CHN2: variants seen among roughly 807,000 people sequenced by gnomAD.
CHN2 encodes beta-chimaerin.
In CHN2, 35 loss-of-function variants were observed where a neutral mutation model predicts 56.3. The observed-to-expected ratio is 0.62, with a 90% CI of 0.47 to 0.82. CHN2 has a LOEUF of 0.82. CHN2 is among the 40% of genes least tolerant of loss of function. CHN2 has a pLI of 0.00. For synonymous variants in CHN2, 210 were observed against 212.8 expected (o/e 0.99, Z 0.12); for missense variants, 491 against 580.5 (o/e 0.85, Z 1.58).
At chr7:29,334,473 T>G (rs994928721) in intron 1 of CHN2, 5 of 151,778 alleles carry the variant, frequency 3.3e-5, no homozygotes, top group Non-Finnish European at 5.9e-5. Flanking sequence ...AATTCTGTGG[T>G]TTTAGAAGTT....
chr7:29,193,488 T>A (rs2128757599), upstream of CHN2: 1 of 152,346 alleles, frequency 6.6e-6, no homozygotes. Flanking sequence ...TGCTATATAA[T>A]GAGAGTACTT....
intron 6 of CHN2, among the ~76,000 whole-genome samples, chr7:29,403,432 C>A (rs1472201223): frequency 6.6e-6 from 1 of 152,120 alleles, no homozygotes; most frequent in African/African-American, 2.4e-5. Flanking sequence ...ACCAGCATTT[C>A]CGTTTCCAGG....
In CHN2 at chr7:29,483,961, G is replaced by A. The variant is rs1282357419; in HGVS notation, c.654+3605G>A. On this transcript the variant is annotated intron_variant, in intron 7 of 12. Transcript: ENST00000222792. The stretch of plus-strand genomic sequence containing the variant: ...AGAATACATGCGAGTCACTTATCGT[G>A]GTCTCTGGCACCCAGTAAGTATTCA... 5.0e-6 allele frequency: 5 copies of A among 1,006,634 alleles called. No homozygotes were observed. The South Asian group carries it at 6.7e-5, about 13-fold the overall frequency. 62.4% of individuals were successfully genotyped at this position (1,006,634 alleles called of 1,614,324 possible). A position where few individuals can be genotyped will look rare whatever the true frequency, so the allele number is the denominator to read the frequency against.
At chr7:29,194,750 T>G (rs993380333), upstream of CHN2, 4 of 452,624 alleles carry the variant, frequency 8.8e-6, no homozygotes, top group African/African-American at 8.3e-5. Context: ...CACAAATAAA[T>G]AGCGGCGGCG....
At chr7:29,414,726 T>C (rs1803559445) in intron 6 of CHN2, among the ~76,000 whole-genome samples, 1 of 152,090 alleles carries the variant, frequency 6.6e-6, no homozygotes, top group South Asian at 2.1e-4. Context: ...CCTAGCTGTG[T>C]CCAAGAGGCC....
intron 1 of CHN2, among the ~76,000 whole-genome samples, chr7:29,211,277 A>G (rs922095066): frequency 6.7e-6 from 1 of 150,256 alleles, no homozygotes; most frequent in Non-Finnish European, 1.5e-5. Flanking sequence ...ATGGGGTTTC[A>G]CCATGTTAGC....
chr7:29,361,158 C>T (rs1280381236), intron 2 of CHN2, among the ~76,000 whole-genome samples: 1 of 152,190 alleles, frequency 6.6e-6, no homozygotes, highest in African/African-American at 2.4e-5. Flanking sequence ...TACATTATTG[C>T]ATGTGACTTG....
intron 3 of CHN2, among the ~76,000 whole-genome samples, chr7:29,389,039 T>C (rs997014744): frequency 6.6e-6 from 1 of 152,230 alleles, no homozygotes; most frequent in Non-Finnish European, 1.5e-5. Flanking sequence ...AAGTTCCCAT[T>C]GCTCAGAGCG....
intron 6 of CHN2, among the ~76,000 whole-genome samples, chr7:29,478,053 G>A (rs1786751043): frequency 6.6e-6 from 1 of 152,240 alleles, no homozygotes; most frequent in African/African-American, 2.4e-5. Flanking sequence ...AAAGTGACAA[G>A]TGCAATCAGA....
intron 1 of CHN2, among the ~76,000 whole-genome samples, chr7:29,303,121 G>T (rs753928888): frequency 6.6e-6 from 1 of 152,136 alleles, no homozygotes; most frequent in African/African-American, 2.4e-5. Context: ...TGATGCTGGC[G>T]TCTGTTTCCC....
At chr7:29,335,847 A>G (rs1056045885) in intron 1 of CHN2, 4 of 152,234 alleles carry the variant, frequency 2.6e-5, no homozygotes, top group Non-Finnish European at 5.9e-5. Context: ...TTCTTCCTCC[A>G]CTTTAATAGT....
intron 3 of CHN2, among the ~76,000 whole-genome samples, chr7:29,392,421 A>G (rs75130376): frequency 0.11 from 16,493 of 152,270 alleles, 1,168 homozygotes; most frequent in Non-Finnish European, 0.16. Flanking sequence ...TATTATTTAA[A>G]TCTTCCTTCA....
chr7:29,368,408 TG>T (rs758649481), intron 3 of CHN2, among the ~76,000 whole-genome samples: 1 of 152,182 alleles, frequency 6.6e-6, no homozygotes, highest in African/African-American at 2.4e-5. Context: ...CATATTTATA[TG>T]ACATTTTAAA....
chr7:29,423,132 C>T lies in CHN2; in HGVS notation c.576+22304C>T, dbSNP rs557688494. 2.0e-4 allele frequency among the ~76,000 whole-genome samples: 31 copies of T among 152,280 alleles called. 1 individual carries two copies. The South Asian group carries it at 5.8e-3, about 28-fold the overall frequency. ...ACACCAAGGAAATGCTTTCAATTCC[C>T]AGATTCATAGAATGTTAGCACCCAG... On this transcript the variant is annotated intron_variant, in intron 6 of 12. Transcript: ENST00000222792.
chr7:29,320,902 A>G (rs968379505), intron 1 of CHN2, among the ~76,000 whole-genome samples: 2 of 152,188 alleles, frequency 1.3e-5, no homozygotes, highest in African/African-American at 4.8e-5. Context: ...CATGGGTCCC[A>G]TCTCGATTTA....
chr7:29,148,109 C>T (rs894685551), intron 2 of CHN2, among the ~76,000 whole-genome samples: 3 of 152,202 alleles, frequency 2.0e-5, no homozygotes, highest in Non-Finnish European at 2.9e-5. Context: ...CATGGGAGTA[C>T]AGACATTAGC....
chr7:29,299,617 AC>A (rs1301571740), intron 1 of CHN2, among the ~76,000 whole-genome samples: 1 of 142,300 alleles, frequency 7.0e-6, no homozygotes, highest in East Asian at 2.1e-4. Flanking sequence ...GGAAAGCACA[AC>A]ATGGATGTAA....
At chr7:29,388,283 GA>G (rs1175068399) in intron 3 of CHN2, among the ~76,000 whole-genome samples, 4 of 152,034 alleles carry the variant, frequency 2.6e-5, no homozygotes, top group African/African-American at 4.8e-5. Flanking sequence ...GAACAGTTAG[GA>G]AAAAAATGGC....
chr7:29,246,258 G>C (rs953391813), intron 1 of CHN2, among the ~76,000 whole-genome samples: 1 of 152,142 alleles, frequency 6.6e-6, no homozygotes, highest in African/African-American at 2.4e-5. Context: ...AACCGGAGAG[G>C]TTCCCAGAGA....
Sources: gnomAD v4.1 joint callset for allele counts (sites outside exome capture counted in the v4.1 genomes callset) on GRCh38, gnomAD v4.1.1 for gene constraint, MANE v1.5 for transcripts, NCBI Gene and HGNC (gene_info 2026-07-23, HGNC 2026-07-21) for gene names.